The following KCTD16 variants were observed in gnomAD, a reference collection of about 807,000 sequenced individuals.
KCTD16 encodes the protein BTB/POZ domain-containing protein KCTD16.
A neutral mutation model predicts 33.2 loss-of-function variants in KCTD16; 13 were observed. The observed-to-expected ratio is 0.39, with a 90% confidence interval of 0.25 to 0.62. KCTD16 has a LOEUF of 0.62. Among genes scored for constraint, KCTD16 ranks in the 20% least tolerant of loss-of-function variants. The pLI, the probability that KCTD16 is intolerant of heterozygous loss-of-function variation, is 0.50. For synonymous variants in KCTD16, 197 were observed against 195.3 expected (o/e 1.01, Z -0.07); for missense variants, 441 against 525.1 (o/e 0.84, Z 1.57).
At position 144,473,931 on chromosome 5, in the gene KCTD16, T is replaced by G. The variant is rs1386008133; in HGVS notation, c.1104T>G (p.Thr368=). 6.2e-7 allele frequency: 1 copy of G among 1,614,052 alleles called. No homozygotes were observed. The highest frequency in any genetic ancestry group is 1.7e-5 in the Admixed American group (1 of 60,008). Residue 368 remains threonine (T), a synonymous_variant, in exon 4 of 4, where the codon ACT becomes ACG. Transcript: ENST00000512467. ...GGCGGAAAAGCGACTTACTCCGGAC[T>G]CTGACTTCAGGCTCCAGGGAATCGA... The part of the protein sequence containing the change: ...EMRRKSDLLR[T]LTSGSRESNM...
intron 3 of KCTD16, among the ~76,000 whole-genome samples, chr5:144,310,055 T>G (rs187700977): frequency 1.3e-5 from 2 of 152,106 alleles, no homozygotes; most frequent in African/African-American, 4.8e-5. Flanking sequence ...TTTTAAATAC[T>G]GTGTTGCCTT....
At chr5:144,261,167 C>CAAAAAAAAAAAAAAAAA (rs1299878040) in intron 3 of KCTD16, among the ~76,000 whole-genome samples, 11 of 78,034 alleles carry the variant, frequency 1.4e-4, no homozygotes, top group African/African-American at 1.4e-4. Flanking sequence ...GGAACAACAA[C>CAAAAAAAAAAAAAAAAA]AAAAAAAAAA....
intron 3 of KCTD16, among the ~76,000 whole-genome samples, chr5:144,321,392 C>A (rs147530951): frequency 8.3e-4 from 127 of 152,274 alleles, no homozygotes; most frequent in African/African-American, 2.6e-3. Context: ...TTTTCAGAAG[C>A]TCCCCAGGCA....
intron 3 of KCTD16, among the ~76,000 whole-genome samples, chr5:144,381,404 G>T (rs1752211883): frequency 6.6e-6 from 1 of 152,164 alleles, no homozygotes; most frequent in Admixed American, 6.6e-5. Context: ...TTCTTGCATT[G>T]CTATAAGGAA....
rs34046123 is a variant in KCTD16 at position 144,186,344 on chromosome 5, ATT to A, written c.-327+11879_-327+11880del. 5.8e-3 allele frequency among the ~76,000 whole-genome samples: 301 copies of A among 51,714 alleles called. 2 individuals are homozygous for A. The highest frequency in any genetic ancestry group is 0.026 in the African/African-American group (278 of 10,570). 33.9% of individuals were successfully genotyped at this position (51,714 alleles called of 152,430 possible). ...TTCTACGAAGTTTGTGCTAGATCTC[ATT>A]TTTTTTAAAAAAAAAAAGAAAAAAA... On this transcript the variant is annotated intron_variant, in intron 2 of 3. Coordinates refer to ENST00000512467, the MANE Select transcript of KCTD16 (RefSeq NM_020768.4).
At chr5:144,286,925 C>G (rs1306128842) in intron 3 of KCTD16, among the ~76,000 whole-genome samples, 1 of 152,106 alleles carries the variant, frequency 6.6e-6, no homozygotes, top group Non-Finnish European at 1.5e-5. Flanking sequence ...TACTATGTAC[C>G]AGGTATGATT....
chr5:144,428,487 A>C (rs1200622409), intron 3 of KCTD16, among the ~76,000 whole-genome samples: 4 of 152,158 alleles, frequency 2.6e-5, no homozygotes, highest in Non-Finnish European at 5.9e-5. Context: ...CTCATCCATC[A>C]CAAGACCTTT....
Position 144,477,338 on chromosome 5 carries a change from G to T in KCTD16, c.*3224G>T, listed in dbSNP as rs1194417905. The T allele has an allele frequency of 6.6e-6, 1 of 152,116 alleles. No individual in the cohort carries two copies. Among genetic ancestry groups the T allele is most frequent in the Non-Finnish European group, 1.5e-5 (1 of 68,018 alleles). 9.4% of individuals were successfully genotyped at this position (152,116 alleles called of 1,614,324 possible). ...TAGGCACAGTTATCTTACTGAAAAT[G>T]CATGCATGGTGAATTAAAATAAAAG... On this transcript the variant is annotated 3_prime_UTR_variant, in exon 4 of 4. Coordinates refer to ENST00000512467, the MANE Select transcript of KCTD16 (RefSeq NM_020768.4).
At chr5:144,240,128 GTAGC>G (rs1229699439) in intron 3 of KCTD16, among the ~76,000 whole-genome samples, 1 of 152,078 alleles carries the variant, frequency 6.6e-6, no homozygotes, top group Non-Finnish European at 1.5e-5. Context: ...CATCAGACAC[GTAGC>G]TAATAAGTGG....
At chr5:144,194,540 A>C (rs1752905270) in intron 2 of KCTD16, among the ~76,000 whole-genome samples, 1 of 152,174 alleles carries the variant, frequency 6.6e-6, no homozygotes, top group Non-Finnish European at 1.5e-5. Flanking sequence ...GGAAGGAGAG[A>C]ATTCATTTTT....
chr5:144,242,636 G>A (rs950411036), intron 3 of KCTD16, among the ~76,000 whole-genome samples: 10 of 152,164 alleles, frequency 6.6e-5, no homozygotes, highest in Non-Finnish European at 1.2e-4. Flanking sequence ...TCATGATTTG[G>A]CTGGTTGGAA....
At chr5:144,260,729 G>A (rs1754982402) in intron 3 of KCTD16, among the ~76,000 whole-genome samples, 1 of 142,098 alleles carries the variant, frequency 7.0e-6, no homozygotes, top group African/African-American at 2.5e-5. Context: ...GAAAAAGATG[G>A]TTGCCTGTTT....
At chr5:144,420,798 C>T (rs534388117) in intron 3 of KCTD16, among the ~76,000 whole-genome samples, 1 of 152,220 alleles carries the variant, frequency 6.6e-6, no homozygotes, top group East Asian at 1.9e-4. Flanking sequence ...CTTGGGAAAC[C>T]TATCAAAGGA....
At chr5:144,343,679 C>A (rs1752706306) in intron 3 of KCTD16, among the ~76,000 whole-genome samples, 1 of 152,056 alleles carries the variant, frequency 6.6e-6, no homozygotes, top group African/African-American at 2.4e-5. Flanking sequence ...GTTAGGGTGT[C>A]AATTTTGGAT....
At chr5:144,360,260 C>A (rs538560578) in intron 3 of KCTD16, among the ~76,000 whole-genome samples, 2 of 152,160 alleles carry the variant, frequency 1.3e-5, no homozygotes, top group East Asian at 3.9e-4. Flanking sequence ...AGCCTCCTAC[C>A]CCCCAAGAGG....
In KCTD16 at chr5:144,362,546, A is replaced by G. The variant is rs528683464; in HGVS notation, c.833-111114A>G. ...AGGGCTTACTATAACGTTTTAGGTA[A>G]GAACGATCACTACCTTGAGGTTCTA... On this transcript the variant is annotated intron_variant, in intron 3 of 3. Coordinates refer to ENST00000512467, the MANE Select transcript of KCTD16 (RefSeq NM_020768.4). Among the ~76,000 whole-genome samples the G allele has an allele frequency of 7.9e-5, 12 of 152,282 alleles. No homozygotes were observed. In the South Asian group the frequency reaches 2.5e-3, roughly 32 times the overall value.
At chr5:144,335,108 T>TG (rs1267183938) in intron 3 of KCTD16, among the ~76,000 whole-genome samples, 1 of 152,128 alleles carries the variant, frequency 6.6e-6, no homozygotes, top group Non-Finnish European at 1.5e-5. Flanking sequence ...TTATTTTTCT[T>TG]GCACTGTACA....
chr5:144,300,282 A>G (rs529649499), intron 3 of KCTD16, among the ~76,000 whole-genome samples: 1 of 152,286 alleles, frequency 6.6e-6, no homozygotes, highest in South Asian at 2.1e-4. Context: ...ATAGATCAAG[A>G]TATTTTGTAT....
At chr5:144,243,044 C>T (rs1443741952) in intron 3 of KCTD16, among the ~76,000 whole-genome samples, 1 of 152,146 alleles carries the variant, frequency 6.6e-6, no homozygotes, top group African/African-American at 2.4e-5. Context: ...TAACATATTA[C>T]ATTTAATATT....
Sources: gnomAD v4.1 joint callset for allele counts (sites outside exome capture counted in the v4.1 genomes callset) on GRCh38, gnomAD v4.1.1 for gene constraint, MANE v1.5 for transcripts, NCBI Gene and HGNC (gene_info 2026-07-23, HGNC 2026-07-21) for gene names.